STK3: variants seen among roughly 807,000 people sequenced by gnomAD.
STK3 encodes serine/threonine kinase 3, also known as serine/threonine-protein kinase 3.
Under a neutral mutation model 58.0 loss-of-function variants are expected in STK3, and 41 were observed. That is an observed-to-expected ratio of 0.71 (90% CI 0.55 to 0.92). STK3 has a LOEUF of 0.92. STK3 is among the 40% of genes least tolerant of loss of function. The probability of loss-of-function intolerance (pLI) is 0.00; values close to 1 mark genes in which losing one functional copy is unlikely to be tolerated. For missense variants in STK3, 479 were observed against 602.7 expected, an observed-to-expected ratio of 0.79 and a Z score of 2.15; for synonymous variants, 170 against 191.0, an observed-to-expected ratio of 0.89 and a Z score of 0.91.
At chr8:98,450,365 T>C (rs898105468), downstream of STK3, among the ~76,000 whole-genome samples, 10 of 152,380 alleles carry the variant, frequency 6.6e-5, no homozygotes, top group East Asian at 1.5e-3. Flanking sequence ...ACGTGTCATA[T>C]GTCAAGAACT....
intron 4 of STK3, among the ~76,000 whole-genome samples, chr8:98,710,189 C>T (rs1826286330): frequency 6.6e-6 from 1 of 152,132 alleles, no homozygotes; most frequent in Non-Finnish European, 1.5e-5. Flanking sequence ...ATAGGAACAG[C>T]TCCAGTCTAA....
chr8:98,449,829 T>A (rs1463849609), downstream of STK3, among the ~76,000 whole-genome samples: 1 of 152,204 alleles, frequency 6.6e-6, no homozygotes, highest in Non-Finnish European at 1.5e-5. Context: ...TGGATTGGTC[T>A]CTGAGTGAAT....
chr8:98,908,524 T>C (rs1435635372), intron 1 of STK3, among the ~76,000 whole-genome samples: 1 of 152,106 alleles, frequency 6.6e-6, no homozygotes, highest in Non-Finnish European at 1.5e-5. Context: ...TTGCACTCCA[T>C]CCTGGGCAAC....
chr8:98,866,511 A>G (rs1160777231), intron 3 of STK3, among the ~76,000 whole-genome samples: 2 of 152,234 alleles, frequency 1.3e-5, no homozygotes, highest in Non-Finnish European at 2.9e-5. Flanking sequence ...TCCAAGGCAC[A>G]AGCACTCTGG....
At chr8:98,585,175 C>T (rs1419686095) in intron 7 of STK3, among the ~76,000 whole-genome samples, 7 of 151,958 alleles carry the variant, frequency 4.6e-5, no homozygotes, top group Admixed American at 1.3e-4. Flanking sequence ...TTGCCCATGC[C>T]TATGTCCTGA....
At chr8:98,682,664 AATTCT>A (rs1455721402) in intron 6 of STK3, among the ~76,000 whole-genome samples, 1 of 152,166 alleles carries the variant, frequency 6.6e-6, no homozygotes, top group Non-Finnish European at 1.5e-5. Context: ...AGGACAGCTG[AATTCT>A]ATTCTACAGC....
chr8:98,548,450 A>G (rs150282751), intron 8 of STK3, among the ~76,000 whole-genome samples: 238 of 152,274 alleles, frequency 1.6e-3, no homozygotes, highest in African/African-American at 5.2e-3. Flanking sequence ...GCAAATGCAT[A>G]ACAAAGAATA....
chr8:98,568,381 A>T (rs1377189003), intron 8 of STK3, among the ~76,000 whole-genome samples: 13 of 152,336 alleles, frequency 8.5e-5, no homozygotes, highest in African/African-American at 3.1e-4. Flanking sequence ...ATAAATATGT[A>T]AGCAGCTAAC....
chr8:98,685,430 G>A (rs1587288739), intron 6 of STK3, among the ~76,000 whole-genome samples: 2 of 152,274 alleles, frequency 1.3e-5, no homozygotes, highest in Admixed American at 1.3e-4. Context: ...GCTTAATCTA[G>A]AGAAGTTGAG....
chr8:98,906,075 A>G (rs187939094), intron 1 of STK3, among the ~76,000 whole-genome samples: 100 of 152,328 alleles, frequency 6.6e-4, no homozygotes, highest in African/African-American at 2.4e-3. Flanking sequence ...GCACGGAGAA[A>G]CCTAGGCCAA....
chr8:98,352,091 C>T, the STK3 span, among the ~76,000 whole-genome samples: 3 of 144,876 alleles, frequency 2.1e-5, no homozygotes, highest in Non-Finnish European at 4.5e-5. Flanking sequence ...GAGCTGAGAT[C>T]GCGCCACTGC....
At chr8:98,730,785 C>G (rs1587444139) in intron 4 of STK3, among the ~76,000 whole-genome samples, 1 of 150,506 alleles carries the variant, frequency 6.6e-6, no homozygotes. Context: ...CAGCTGGATG[C>G]TGGGTACTCT....
chr8:98,407,536 A>G (rs1379881370), intron 3 of STK3, among the ~76,000 whole-genome samples: 7 of 152,228 alleles, frequency 4.6e-5, no homozygotes, highest in African/African-American at 2.4e-5. Context: ...TGTAAAGTTT[A>G]GAGCTGAAGA....
intron 6 of STK3, among the ~76,000 whole-genome samples, chr8:98,678,212 A>C (rs1823365932): frequency 6.6e-6 from 1 of 152,198 alleles, no homozygotes; most frequent in Non-Finnish European, 1.5e-5. Flanking sequence ...AAATGCAATT[A>C]AATATCAGTT....
intron 2 of STK3, 139 bp from the exon 3 acceptor site, chr8:98,767,510 T>A: frequency 1.3e-6 from 1 of 797,554 alleles, no homozygotes; most frequent in Non-Finnish European, 1.8e-6. Context: ...AGTAAACAAG[T>A]AACAATTTTA....
At chr8:98,353,765 A>ATATAGGTAGATGTAGTAGATATAGG in the STK3 span, among the ~76,000 whole-genome samples, 1 of 152,204 alleles carries the variant, frequency 6.6e-6, no homozygotes, top group Non-Finnish European at 1.5e-5. Context: ...GAATGAACAA[A>ATATAGGTAGATGTAGTAGATATAGG]TATAGGTAGA....
chr8:98,440,598 G>A (rs1818655952), intron 1 of STK3, among the ~76,000 whole-genome samples: 1 of 151,974 alleles, frequency 6.6e-6, no homozygotes, highest in African/African-American at 2.4e-5. Flanking sequence ...CCATTAACCA[G>A]TGGTACAGTG....
At chr8:98,758,513 G>A (rs1830436267) in intron 3 of STK3, among the ~76,000 whole-genome samples, 1 of 152,200 alleles carries the variant, frequency 6.6e-6, no homozygotes, top group Non-Finnish European at 1.5e-5. Flanking sequence ...ATGAATAAAT[G>A]TGATTTGCCA....
chr8:98,672,727 T>C (rs533558404), intron 6 of STK3, among the ~76,000 whole-genome samples: 1 of 152,228 alleles, frequency 6.6e-6, no homozygotes, highest in Middle Eastern at 3.4e-3. Flanking sequence ...GAGTAAAGGG[T>C]TAAGATGATT....
Sources: allele counts gnomAD v4.1 joint callset (sites outside exome capture counted in the v4.1 genomes callset), GRCh38; gene constraint gnomAD v4.1.1; transcripts MANE v1.5; gene names NCBI Gene and HGNC (gene_info 2026-07-23, HGNC 2026-07-21).